The following TSPAN15 variants were observed in gnomAD, a reference collection of about 807,000 sequenced individuals.
TSPAN15 encodes the protein tetraspanin 15, also known as tetraspanin-15.
TSPAN15 carries 20 observed loss-of-function variants against 34.5 expected under a neutral mutation model. The ratio of observed to expected loss-of-function variants is 0.58; its 90% CI spans 0.41 to 0.84. TSPAN15 has a LOEUF of 0.84. Ranked by LOEUF, TSPAN15 falls within the 40% of genes least tolerant of loss-of-function variation. TSPAN15 has a pLI of 0.00. For synonymous variants in TSPAN15, 155 were observed against 153.9 expected, an observed-to-expected ratio of 1.01 and a Z score of -0.05; for missense variants, 313 against 386.1, an observed-to-expected ratio of 0.81 and a Z score of 1.59.
rs747299149 is a variant in TSPAN15 at position 69,483,778 on chromosome 10, C to G, written c.184C>G (p.Pro62Ala). The G allele has an allele frequency of 3.1e-6, 5 of 1,614,078 alleles. No homozygotes were observed. Among genetic ancestry groups the G allele is most frequent in the Non-Finnish European group, 3.4e-6 (4 of 1,180,044 alleles). Residue 62 changes from proline to alanine, a missense_variant, in exon 2 of 8, where the codon CCA becomes GCA. Transcript: ENST00000373290. ...YKTLESAFLA[P>A]AIILILLGVV... is the part of the protein sequence containing the mutation. The stretch of plus-strand genomic sequence containing the variant: ...AACCCTTGAAAGTGCCTTCCTGGCT[C>G]CAGCCATCATCCTCATCCTCCTGGG...
In TSPAN15 at chr10:69,507,233, C is replaced by G. The variant is rs1842351347; in HGVS notation, c.*255C>G. 1 of 1,387,624 alleles carries G rather than the reference C, an allele frequency of 7.2e-7. No homozygotes were observed. The highest frequency in any genetic ancestry group is 1.6e-5 in the South Asian group (1 of 63,380). The allele number at this position is 1,387,624 out of a possible 1,614,324, so 86.0% of individuals were successfully genotyped here. On this transcript the variant is annotated 3_prime_UTR_variant, in exon 8 of 8. Coordinates refer to ENST00000373290, the MANE Select transcript of TSPAN15 (RefSeq NM_012339.5). Reference sequence around the variant, plus strand: ...CTGGGGCCTGGGGAACAAGGCCCTCCTTTCTCCAGGCCTGGGCTACGGGGG... The same window carrying G: ...CTGGGGCCTGGGGAACAAGGCCCTCGTTTCTCCAGGCCTGGGCTACGGGGG...
intron 3 of TSPAN15, among the ~76,000 whole-genome samples, chr10:69,492,869 G>A (rs751709369): frequency 1.1e-4 from 16 of 152,196 alleles, no homozygotes; most frequent in Non-Finnish European, 2.1e-4. Context: ...GCCCGGGTAG[G>A]TGCAGAGGGA....
intron 3 of TSPAN15, among the ~76,000 whole-genome samples, chr10:69,489,383 A>T (rs965104877): frequency 1.3e-5 from 2 of 152,236 alleles, no homozygotes; most frequent in Non-Finnish European, 2.9e-5. Context: ...AGTTAACACA[A>T]TTATCGTAGT....
At chr10:69,471,782 G>A (rs1239716473) in intron 1 of TSPAN15, among the ~76,000 whole-genome samples, 1 of 152,228 alleles carries the variant, frequency 6.6e-6, no homozygotes, top group African/African-American at 2.4e-5. Flanking sequence ...TTGTAGGGAT[G>A]AGGGCTCCCT....
the TSPAN15 span, among the ~76,000 whole-genome samples, chr10:69,542,413 C>T: frequency 2.9e-4 from 44 of 152,320 alleles, no homozygotes; most frequent in South Asian, 8.3e-4. Flanking sequence ...TCCAAAGTTA[C>T]GTCCACATTT....
intron 1 of TSPAN15, among the ~76,000 whole-genome samples, chr10:69,471,282 A>G (rs1176503483): frequency 6.6e-6 from 1 of 151,650 alleles, no homozygotes; most frequent in Non-Finnish European, 1.5e-5. Flanking sequence ...TGTATCTAGA[A>G]CCACTTTCAT....
Position 69,506,028 on chromosome 10 carries a change from G to A in TSPAN15, c.619-96G>A. ...GAAACTGAGGATCACAGCGGTTGAGGGACTAGCCTGGACCTTGTGTACATG... is the reference window on the plus strand; with the variant it reads ...GAAACTGAGGATCACAGCGGTTGAGAGACTAGCCTGGACCTTGTGTACATG... On this transcript the variant is annotated intron_variant, in intron 6 of 7. Transcript: ENST00000373290. This position sits in a 1 kb window ranked among gnomAD's most constrained non-coding sequence, Gnocchi z 4.7. The A allele has an allele frequency of 1.0e-6, 1 of 958,808 alleles. No individual in the cohort carries two copies. Among genetic ancestry groups the A allele is most frequent in the Non-Finnish European group, 1.6e-6 (1 of 618,384 alleles). The allele number at this position is 958,808 out of a possible 1,614,324, so 59.4% of individuals were successfully genotyped here.
At chr10:69,544,773 C>T in the TSPAN15 span, among the ~76,000 whole-genome samples, 19 of 152,148 alleles carry the variant, frequency 1.2e-4, no homozygotes, top group African/African-American at 4.6e-4. Flanking sequence ...ATGGCAGTTC[C>T]AGGGCCACAA....
chr10:69,547,289 A>G, the TSPAN15 span, among the ~76,000 whole-genome samples: 2 of 151,976 alleles, frequency 1.3e-5, no homozygotes, highest in African/African-American at 2.4e-5. Flanking sequence ...ATACCCCACT[A>G]TAGGCACTTA....
chr10:69,548,224 G>T, the TSPAN15 span, among the ~76,000 whole-genome samples: 1 of 152,194 alleles, frequency 6.6e-6, no homozygotes, highest in South Asian at 2.1e-4. Context: ...CTAGACTACT[G>T]ATCCTTGATT....
At chr10:69,487,318 A>C (rs546720961) in intron 3 of TSPAN15, among the ~76,000 whole-genome samples, 12 of 151,996 alleles carry the variant, frequency 7.9e-5, no homozygotes, top group African/African-American at 2.7e-4. Context: ...CCCCGAGAGC[A>C]CACAGCAAGG....
At chr10:69,461,608 T>G (rs1012644861) in intron 1 of TSPAN15, among the ~76,000 whole-genome samples, 8 of 152,032 alleles carry the variant, frequency 5.3e-5, no homozygotes, top group Admixed American at 2.0e-4. Context: ...GGGGAGACTG[T>G]GGGGGTGCTT....
At chr10:69,502,647 G>T (rs926773970) in intron 5 of TSPAN15, among the ~76,000 whole-genome samples, 4 of 152,118 alleles carry the variant, frequency 2.6e-5, no homozygotes, top group African/African-American at 9.7e-5. Flanking sequence ...AACCCAGGCA[G>T]GCTTTACTTT....
the TSPAN15 span, among the ~76,000 whole-genome samples, chr10:69,541,762 C>T: frequency 6.6e-6 from 1 of 152,264 alleles, no homozygotes; most frequent in Non-Finnish European, 1.5e-5. Context: ...AAGCTTGGGG[C>T]TTGCATCTTC....
rs774072343 is a variant in TSPAN15 at position 69,506,228 on chromosome 10, C to A, written c.723C>A (p.Ile241=). ...TCATGGCGGGCATCCTCCTGGGCAT[C>A]CTGCTTCCCCAGGTGGGCAGGCCGT... ...YTIMAGILLG[I]LLPQFLGVLL... The change falls in exon 7 of 8, where the codon ATC becomes ATA. Residue 241 remains isoleucine, a synonymous_variant. Coordinates refer to ENST00000373290, the MANE Select transcript of TSPAN15 (RefSeq NM_012339.5). The surrounding 1 kb of genome is among the most constrained non-coding windows in gnomAD (Gnocchi z 4.7). The A allele has an allele frequency of 1.1e-5, 17 of 1,614,050 alleles. No individual in the cohort carries two copies. The highest frequency in any genetic ancestry group is 1.4e-5 in the Non-Finnish European group (17 of 1,180,014).
At chr10:69,462,451 C>T (rs1161604387) in intron 1 of TSPAN15, among the ~76,000 whole-genome samples, 1 of 152,184 alleles carries the variant, frequency 6.6e-6, no homozygotes, top group Non-Finnish European at 1.5e-5. Context: ...TCTCCTGCCT[C>T]AGCCTCCTGA....
At chr10:69,544,473 A>AT in the TSPAN15 span, among the ~76,000 whole-genome samples, 1 of 152,132 alleles carries the variant, frequency 6.6e-6, no homozygotes, top group Admixed American at 6.5e-5. Flanking sequence ...GAAGAAGAGG[A>AT]TTGAAAAGGG....
chr10:69,472,871 G>C (rs1480152041), intron 1 of TSPAN15, among the ~76,000 whole-genome samples: 5 of 152,182 alleles, frequency 3.3e-5, no homozygotes, highest in Non-Finnish European at 7.3e-5. Context: ...TTGTAACTAA[G>C]TCACCAAACT....
chr10:69,521,714 T>G, the TSPAN15 span, among the ~76,000 whole-genome samples: 1 of 148,122 alleles, frequency 6.8e-6, no homozygotes, highest in Non-Finnish European at 1.5e-5. Context: ...TGCTCCTATC[T>G]CTTGGCCTTT....
Sources: allele counts gnomAD v4.1 joint callset (sites outside exome capture counted in the v4.1 genomes callset), GRCh38; gene constraint gnomAD v4.1.1; non-coding constraint Gnocchi (gnomAD v3.1); transcripts MANE v1.5; gene names NCBI Gene and HGNC (gene_info 2026-07-23, HGNC 2026-07-21).